ZNF714: variants seen among roughly 807,000 people sequenced by gnomAD.
ZNF714 encodes the protein zinc finger protein 714.
A neutral mutation model predicts 46.2 loss-of-function variants in ZNF714; 32 were observed. That is an observed-to-expected ratio of 0.69 (90% confidence interval 0.52 to 0.93). The LOEUF (loss-of-function observed/expected upper bound fraction) is 0.93, where lower values mean the gene tolerates loss of function less well. ZNF714 is among the 40% of genes least tolerant of loss of function. ZNF714 has a pLI of 0.00. For missense variants in ZNF714, 635 were observed against 646.3 expected (o/e 0.98, Z 0.19); for synonymous variants, 199 against 213.1 (o/e 0.93, Z 0.58).
At chr19:21,115,851 T>A (rs1599554505) in intron 4 of ZNF714, among the ~76,000 whole-genome samples, 1 of 151,494 alleles carries the variant, frequency 6.6e-6, no homozygotes, top group South Asian at 2.1e-4. Flanking sequence ...TTTCTGTTTT[T>A]TGGATATTTT....
chr19:21,099,998 G>A (rs1483052253), intron 4 of ZNF714, among the ~76,000 whole-genome samples: 2 of 151,994 alleles, frequency 1.3e-5, no homozygotes, highest in African/African-American at 4.8e-5. Flanking sequence ...TGGGATTACA[G>A]GCATGTGCCA....
rs1969607622 is a variant in ZNF714, at chr19:21,116,889, TG to T, written c.227del (p.Gly76AlafsTer10). 22 of 1,613,778 alleles carry T rather than the reference TG, an allele frequency of 1.4e-5. No individual in the cohort carries two copies. Among genetic ancestry groups the T allele is most frequent in the Non-Finnish European group, 1.7e-5 (20 of 1,179,882 alleles). ...TTCAACAAGTGATACTGAGAAGACA[TG>T]GCAAATGTGAACATGAGAATTTACA... ...SFQQVILRRHGKCEHENLQLR... is the reference protein window; with the variant it reads ...SFQQVILRRHXKCEHENLQLR... On this transcript the variant is annotated frameshift_variant, in exon 5 of 5. Coordinates refer to ENST00000456283, the MANE Select transcript of ZNF714 (RefSeq NM_182515.4). LOFTEE classifies it high-confidence loss of function.
Position 21,092,906 on chromosome 19 carries a change from C to CTTTTT in ZNF714, c.-84-5262_-84-5258dup, listed in dbSNP as rs56845417. On this transcript the variant is annotated intron_variant, in intron 2 of 4. Coordinates refer to ENST00000456283, the MANE Select transcript of ZNF714 (RefSeq NM_182515.4). Reference sequence around the variant, plus strand: ...TCTATGTTGCTGCAAATAACTTAAACTTTTTTTTTTTTTTTTTTTTTGAGA... The same window carrying CTTTTT: ...TCTATGTTGCTGCAAATAACTTAAACTTTTTTTTTTTTTTTTTTTTTTTTTTGAGA... Among the ~76,000 whole-genome samples, 285 of 101,690 alleles carry CTTTTT rather than the reference C, an allele frequency of 2.8e-3. 4 individuals are homozygous for CTTTTT. The highest frequency in any genetic ancestry group is 3.7e-3 in the Non-Finnish European group (202 of 54,518). The allele number at this position is 101,690 out of a possible 152,430, so 66.7% of individuals were successfully genotyped here. A position where few individuals can be genotyped will look rare whatever the true frequency, so the allele number is the denominator to read the frequency against.
intron 2 of ZNF714, chr19:21,091,319 G>A (rs1350583280): frequency 6.6e-6 from 1 of 152,206 alleles, no homozygotes; most frequent in Admixed American, 6.5e-5. Context: ...ATTTTGGTGG[G>A]TTTTATCCAG....
At position 21,119,071 on chromosome 19, in the gene ZNF714, G is replaced by A; in HGVS notation, c.*739G>A. The A allele has an allele frequency of 2.2e-6, 1 of 446,024 alleles. No homozygotes were observed. Among genetic ancestry groups the A allele is most frequent in the South Asian group, 1.6e-5 (1 of 63,246 alleles). 27.6% of individuals were successfully genotyped at this position (446,024 alleles called of 1,614,324 possible). ...ACCAGATAGTTCATACTTAATAAAA[G>A]CATTATAAGTACAATTACTGTCAAA... On this transcript the variant is annotated 3_prime_UTR_variant, in exon 5 of 5. Transcript: ENST00000456283.
chr19:21,089,864 A>G (rs10415659), intron 2 of ZNF714, among the ~76,000 whole-genome samples: 78,673 of 114,018 alleles, frequency 0.69, 31,430 homozygotes, highest in Middle Eastern at 0.89. Context: ...CCATCAGTTT[A>G]CATAGAGAGG....
rs1405089208 is a variant in ZNF714 at position 21,082,364 on chromosome 19, C to T, written c.-177+16C>T. Reference sequence around the variant, plus strand: ...CCTAGAAATGGTGAGAGTGCCGGGTCCGACATCCCGAGAGAGGGGAAGGGG... The same window carrying T: ...CCTAGAAATGGTGAGAGTGCCGGGTTCGACATCCCGAGAGAGGGGAAGGGG... On this transcript the variant is annotated intron_variant, in intron 1 of 4. Transcript: ENST00000456283. The T allele has an allele frequency of 6.8e-7, 1 of 1,460,164 alleles. No homozygotes were observed. Among genetic ancestry groups the T allele is most frequent in the Admixed American group, 1.8e-5 (1 of 55,696 alleles). 90.5% of individuals were successfully genotyped at this position (1,460,164 alleles called of 1,614,324 possible).
At chr19:21,091,871 G>C (rs919355172) in intron 2 of ZNF714, 1 of 152,174 alleles carries the variant, frequency 6.6e-6, no homozygotes, top group Non-Finnish European at 1.5e-5. Flanking sequence ...ATAGGCCTAT[G>C]CGGTTTGTGA....
In ZNF714 at chr19:21,118,451, C is replaced by CAAAAA. The variant is rs71176814; in HGVS notation, c.*132_*136dup. 162 of 165,364 alleles carry CAAAAA rather than the reference C, an allele frequency of 9.8e-4. No homozygotes were observed. The highest frequency in any genetic ancestry group is 4.7e-3 in the African/African-American group (148 of 31,290). The allele number at this position is 165,364 out of a possible 1,614,324, so 10.2% of individuals were successfully genotyped here. ...TGGGCCACAAGGCAAGACTCTGTCT[C>CAAAAA]AAAAAAAAAAAAAAAAAGAAAAGAA... On this transcript the variant is annotated 3_prime_UTR_variant, in exon 5 of 5. Transcript: ENST00000456283.
At chr19:21,106,249 C>T (rs772193867) in intron 4 of ZNF714, among the ~76,000 whole-genome samples, 1 of 150,520 alleles carries the variant, frequency 6.6e-6, no homozygotes, top group Non-Finnish European at 1.5e-5. Flanking sequence ...AGTGAGACTC[C>T]GTCACTCCAA....
intron 4 of ZNF714, among the ~76,000 whole-genome samples, chr19:21,107,291 G>GT (rs925240048): frequency 2.4e-4 from 36 of 151,354 alleles, no homozygotes; most frequent in African/African-American, 8.0e-4. Flanking sequence ...CCAGGCTGGA[G>GT]TACAATGGCG....
Position 21,117,635 on chromosome 19 carries a change from G to C in ZNF714, c.971G>C (p.Trp324Ser). Reference sequence around the variant, plus strand: ...GAACAATGTGGCAAAGGCTTTAACTGGTCTTCAACCCTTACAAAACATAAA... The same window carrying C: ...GAACAATGTGGCAAAGGCTTTAACTCGTCTTCAACCCTTACAAAACATAAA... ...KCEQCGKGFNWSSTLTKHKRI... is the reference protein window; with the variant it reads ...KCEQCGKGFNSSSTLTKHKRI... Residue 324 changes from tryptophan to serine, a missense_variant, in exon 5 of 5, where the codon TGG becomes TCG. By Grantham distance (177) the Trp-to-Ser change is radical. Transcript: ENST00000456283. The C allele has an allele frequency of 1.2e-6, 2 of 1,610,352 alleles. No homozygotes were observed. Among genetic ancestry groups the C allele is most frequent in the Non-Finnish European group, 1.7e-6 (2 of 1,178,964 alleles).
At chr19:21,096,052 A>G (rs1969032534) in intron 2 of ZNF714, among the ~76,000 whole-genome samples, 1 of 152,196 alleles carries the variant, frequency 6.6e-6, no homozygotes, top group Non-Finnish European at 1.5e-5. Flanking sequence ...GGGTGGCTTC[A>G]GGACCTGTTC....
chr19:21,083,452 T>C (rs896310207), intron 1 of ZNF714, among the ~76,000 whole-genome samples: 2 of 152,132 alleles, frequency 1.3e-5, no homozygotes, highest in African/African-American at 4.8e-5. Context: ...TTCAACTGTG[T>C]CCCAAGCACT....
chr19:21,087,410 A>C (rs1968809209), intron 2 of ZNF714, among the ~76,000 whole-genome samples: 1 of 152,150 alleles, frequency 6.6e-6, no homozygotes, highest in Non-Finnish European at 1.5e-5. Flanking sequence ...AAAAATAGTC[A>C]AACATGATTT....
intron 4 of ZNF714, among the ~76,000 whole-genome samples, chr19:21,115,577 C>T (rs967152323): frequency 5.9e-5 from 9 of 151,538 alleles, no homozygotes; most frequent in Non-Finnish European, 1.2e-4. Flanking sequence ...TTGGCTATAT[C>T]ACAGTTTCCT....
At chr19:21,088,784 C>G (rs747478162) in intron 2 of ZNF714, among the ~76,000 whole-genome samples, 1 of 152,146 alleles carries the variant, frequency 6.6e-6, no homozygotes, top group Non-Finnish European at 1.5e-5. Context: ...TACTAGCCCA[C>G]GACCAGGAAA....
At position 21,117,014 on chromosome 19, in the gene ZNF714, T is replaced by A. The variant is rs1405199615; in HGVS notation, c.350T>A (p.Phe117Tyr). The change falls in exon 5 of 5, where the codon TTT becomes TAT. Residue 117 changes from phenylalanine (F) to tyrosine (Y), a missense_variant. Coordinates refer to ENST00000456283, the MANE Select transcript of ZNF714 (RefSeq NM_182515.4). ...QCLTTTQSKI[F>Y]PCDKYIKVFH... ...TTGACAACTACCCAGAGCAAAATAT[T>A]TCCATGTGATAAATATATAAAAGTC... 1.9e-6 allele frequency: 3 copies of A among 1,613,370 alleles called. No individual in the cohort carries two copies. The African/African-American group carries it at 4.0e-5, about 22-fold the overall frequency.
In ZNF714 at chr19:21,123,170, A is replaced by AAAAG. The variant is rs1969735798; in HGVS notation, c.*4838_*4839insAAAG. On this transcript the variant is annotated 3_prime_UTR_variant, in exon 5 of 5. Coordinates refer to ENST00000456283, the MANE Select transcript of ZNF714 (RefSeq NM_182515.4). The stretch of plus-strand genomic sequence containing the variant: ...CTGTCTCAAAAAAAAAAAAAAAAAA[A>AAAAG]GATTAAAGGCGCACACTGTCCACAG... 1 of 149,052 alleles carries AAAAG rather than the reference A, an allele frequency of 6.7e-6. No homozygotes were observed. Among genetic ancestry groups the AAAAG allele is most frequent in the African/African-American group, 2.4e-5 (1 of 40,900 alleles). The allele number at this position is 149,052 out of a possible 1,614,324, so 9.2% of individuals were successfully genotyped here.
Sources: gnomAD v4.1 joint callset for allele counts (sites outside exome capture counted in the v4.1 genomes callset) on GRCh38, gnomAD v4.1.1 for gene constraint, MANE v1.5 for transcripts, NCBI Gene and HGNC (gene_info 2026-07-23, HGNC 2026-07-21) for gene names.